Variants in HIBADH observed in about 807,000 individuals in gnomAD.
HIBADH encodes 3-hydroxyisobutyrate dehydrogenase.
In HIBADH, 25 loss-of-function variants were observed where a neutral mutation model predicts 36.1. That is an observed-to-expected ratio of 0.69 (90% CI 0.50 to 0.97). The LOEUF (loss-of-function observed/expected upper bound fraction) is 0.97. Ranked by LOEUF, HIBADH falls within the 50% of genes least tolerant of loss-of-function variation. HIBADH has a pLI of 0.00. For missense variants in HIBADH, 421 were observed against 418.0 expected (o/e 1.01, Z -0.06); for synonymous variants, 160 against 149.5 (o/e 1.07, Z -0.51).
At chr7:27,551,354 T>G (rs1338237234) in intron 4 of HIBADH, among the ~76,000 whole-genome samples, 2 of 152,182 alleles carry the variant, frequency 1.3e-5, no homozygotes, top group East Asian at 3.9e-4. Context: ...TTTCTTCATC[T>G]GAAAACAGTG....
At chr7:27,654,547 A>G (rs549821006) in intron 1 of HIBADH, among the ~76,000 whole-genome samples, 1 of 152,344 alleles carries the variant, frequency 6.6e-6, no homozygotes, top group South Asian at 2.1e-4. Context: ...GTGAGAAGAC[A>G]GTGGTGCAAC....
chr7:27,623,728 T>TG (rs1785587125), intron 4 of HIBADH, among the ~76,000 whole-genome samples: 2 of 152,100 alleles, frequency 1.3e-5, no homozygotes, highest in Non-Finnish European at 2.9e-5. Context: ...TACAAAACAC[T>TG]GATGAAAGAA....
At chr7:27,573,947 A>C (rs1235240856) in intron 4 of HIBADH, among the ~76,000 whole-genome samples, 1 of 152,204 alleles carries the variant, frequency 6.6e-6, no homozygotes, top group Non-Finnish European at 1.5e-5. Flanking sequence ...TGTGACTACT[A>C]AAAAATTTTA....
At chr7:27,654,977 G>A (rs1045711908) in intron 1 of HIBADH, among the ~76,000 whole-genome samples, 1 of 152,082 alleles carries the variant, frequency 6.6e-6, no homozygotes, top group Non-Finnish European at 1.5e-5. Flanking sequence ...GTGAGCCACC[G>A]CACCCAGCCA....
chr7:27,619,020 G>T (rs539990293), intron 4 of HIBADH, among the ~76,000 whole-genome samples: 1 of 152,244 alleles, frequency 6.6e-6, no homozygotes, highest in South Asian at 2.1e-4. Context: ...GAGACTTGGG[G>T]AGACAAATAT....
chr7:27,556,274 C>A (rs1333065660), intron 4 of HIBADH, among the ~76,000 whole-genome samples: 1 of 152,116 alleles, frequency 6.6e-6, no homozygotes, highest in East Asian at 1.9e-4. Flanking sequence ...CAGTAAACTG[C>A]CTATCATGTT....
At chr7:27,535,448 C>T (rs1172498256) in intron 6 of HIBADH, among the ~76,000 whole-genome samples, 5 of 152,082 alleles carry the variant, frequency 3.3e-5, no homozygotes, top group Admixed American at 6.6e-5. Context: ...CTTCTTTTGG[C>T]GGAAGACAAT....
chr7:27,556,343 C>T (rs149323379), intron 4 of HIBADH, among the ~76,000 whole-genome samples: 1,537 of 152,204 alleles, frequency 0.01, 8 homozygotes, highest in Middle Eastern at 0.027. Flanking sequence ...TTTATGTCTA[C>T]TCTGTTATAT....
intron 4 of HIBADH, among the ~76,000 whole-genome samples, chr7:27,557,144 G>GAA (rs1491527352): frequency 2.4e-5 from 2 of 83,556 alleles, no homozygotes; most frequent in Non-Finnish European, 2.1e-5. Context: ...TGTCTAAAAA[G>GAA]GAAAAAAAAA....
intron 2 of HIBADH, among the ~76,000 whole-genome samples, chr7:27,637,454 A>G (rs1785860800): frequency 6.6e-6 from 1 of 152,178 alleles, no homozygotes; most frequent in Admixed American, 6.5e-5. Flanking sequence ...CACGAATATA[A>G]TAAAGGGATA....
At chr7:27,542,104 G>A (rs1414476621) in intron 5 of HIBADH, among the ~76,000 whole-genome samples, 1 of 152,044 alleles carries the variant, frequency 6.6e-6, no homozygotes. Context: ...TTATAAACTA[G>A]TATCTATCTA....
At chr7:27,640,894 C>CTA (rs1785949231) in intron 2 of HIBADH, among the ~76,000 whole-genome samples, 1 of 152,126 alleles carries the variant, frequency 6.6e-6, no homozygotes, top group South Asian at 2.1e-4. Context: ...TATTATAATC[C>CTA]TATGGGACCA....
chr7:27,562,685 C>T lies in HIBADH; in HGVS notation c.485-19585G>A, dbSNP rs138100119. 3.3e-3 allele frequency among the ~76,000 whole-genome samples: 501 copies of T among 152,238 alleles called. 6 individuals carry two copies. The highest frequency in any genetic ancestry group is 0.011 in the African/African-American group (471 of 41,542). ...GTTGCCCAGGGTGGTCTCAAACTTC[C>T]GGGATCAAGTGATCGTCCTGTCTTG... On this transcript the variant is annotated intron_variant, in intron 4 of 7. Transcript: ENST00000265395.
chr7:27,565,443 T>C (rs1211169590), intron 4 of HIBADH, among the ~76,000 whole-genome samples: 1 of 152,206 alleles, frequency 6.6e-6, no homozygotes, highest in Admixed American at 6.5e-5. Context: ...ACCTGCTTAA[T>C]AATAAACTCT....
At chr7:27,609,268 G>A (rs1785283988) in intron 4 of HIBADH, among the ~76,000 whole-genome samples, 1 of 152,154 alleles carries the variant, frequency 6.6e-6, no homozygotes, top group Non-Finnish European at 1.5e-5. Flanking sequence ...TTCTTTGAAT[G>A]TGTTAAGAAC....
chr7:27,654,464 G>T (rs564184228), intron 1 of HIBADH, among the ~76,000 whole-genome samples: 14 of 152,006 alleles, frequency 9.2e-5, no homozygotes, highest in African/African-American at 3.1e-4. Flanking sequence ...AGCAGCCACA[G>T]GAAAAAGGAC....
chr7:27,649,495 T>A lies in HIBADH; in HGVS notation c.230A>T (p.Glu77Val). Reference protein sequence around the residue: ...IYDVFPDACKEFQDAGEQVVS... With the variant: ...IYDVFPDACKVFQDAGEQVVS... ...TACCTGTTCACCTGCATCTTGAAAC[T>A]CTTTGCAGGCATCAGGGAACACATC... The change falls in exon 2 of 8, where the codon GAG becomes GTG. Residue 77 changes from glutamate (E) to valine (V), a missense_variant. Physicochemically the swap from Glu to Val is moderately radical, Grantham distance 121. Coordinates refer to ENST00000265395, the MANE Select transcript of HIBADH (RefSeq NM_152740.4). 6.2e-7 allele frequency: 1 copy of A among 1,612,794 alleles called. No individual in the cohort carries two copies. Among genetic ancestry groups the A allele is most frequent in the East Asian group, 2.2e-5 (1 of 44,866 alleles).
intron 4 of HIBADH, among the ~76,000 whole-genome samples, chr7:27,570,222 T>C (rs1784608981): frequency 6.6e-6 from 1 of 151,842 alleles, no homozygotes; most frequent in South Asian, 2.1e-4. Context: ...CCCAAGGTTT[T>C]TAGACACATT....
intron 1 of HIBADH, among the ~76,000 whole-genome samples, chr7:27,658,951 T>A (rs1417780695): frequency 1.3e-5 from 2 of 152,184 alleles, no homozygotes; most frequent in Non-Finnish European, 2.9e-5. Flanking sequence ...ATTTCACAAG[T>A]TTAGGGTCAA....
Sources: allele counts gnomAD v4.1 joint callset (sites outside exome capture counted in the v4.1 genomes callset), GRCh38; gene constraint gnomAD v4.1.1; transcripts MANE v1.5; gene names NCBI Gene and HGNC (gene_info 2026-07-23, HGNC 2026-07-21).